The following LAMA2 variants were observed in gnomAD, a reference collection of about 807,000 sequenced individuals.
LAMA2 encodes laminin subunit alpha 2.
Under a neutral mutation model 364.8 loss-of-function variants are expected in LAMA2, and 269 were observed. That is an observed-to-expected ratio of 0.74 (90% confidence interval 0.67 to 0.82). The LOEUF is 0.82. Ranked by LOEUF, LAMA2 falls within the 40% of genes least tolerant of loss-of-function variation. The probability of loss-of-function intolerance (pLI) is 0.00; values close to 1 mark genes in which losing one functional copy is unlikely to be tolerated. For synonymous variants in LAMA2, 1,379 were observed against 1,370.6 expected (o/e 1.01, Z -0.14); for missense variants, 3,807 against 3,873.2 (o/e 0.98, Z 0.45).
intron 1 of LAMA2, chr6:128,905,261 T>C (rs1322914765): frequency 1.3e-5 from 2 of 152,244 alleles, no homozygotes; most frequent in African/African-American, 2.4e-5. Context: ...ACACGTATTT[T>C]GATAATCATT....
chr6:129,098,322 T>G lies in LAMA2; in HGVS notation c.546T>G (p.Ile182Met), dbSNP rs778378665. 1 of 1,614,090 alleles carries G rather than the reference T, an allele frequency of 6.2e-7. No individual in the cohort carries two copies. The highest frequency in any genetic ancestry group is 8.5e-7 in the Non-Finnish European group (1 of 1,179,988). The part of the protein sequence containing the change: ...TDTECLTLYN[I>M]YPRTGPPSYA... Reference sequence around the variant, plus strand: ...CGGAGTGCCTAACGCTTTACAATATTTATCCCCGCACTGGGCCACCGTCAT... The same window carrying G: ...CGGAGTGCCTAACGCTTTACAATATGTATCCCCGCACTGGGCCACCGTCAT... The change falls in exon 4 of 65, where the codon ATT becomes ATG. Residue 182 changes from isoleucine to methionine, a missense_variant. This residue lies in a region of LAMA2 where 394 missense variants were observed against 403.5 expected (regional missense o/e 0.98). Coordinates refer to ENST00000421865, the MANE Select transcript of LAMA2 (RefSeq NM_000426.4).
intron 12 of LAMA2, among the ~76,000 whole-genome samples, chr6:129,196,026 G>T (rs570000203): frequency 6.6e-6 from 1 of 152,248 alleles, no homozygotes; most frequent in Non-Finnish European, 1.5e-5. Context: ...TTACCATTAA[G>T]GTTTGAAATT....
chr6:129,060,460 T>C (rs1788819651), intron 3 of LAMA2, among the ~76,000 whole-genome samples: 1 of 152,246 alleles, frequency 6.6e-6, no homozygotes, highest in Non-Finnish European at 1.5e-5. Context: ...CCTTCTATGC[T>C]TAATCTCTTT....
At position 128,903,353 on chromosome 6, in the gene LAMA2, T is replaced by A. The variant is rs934276327; in HGVS notation, c.112+19996T>A. ...TTTAGTAGAATTACAGATCTTAGTG[T>A]CTTTGTACATTCTGTATTAAAATGC... On this transcript the variant is annotated intron_variant, in intron 1 of 64. Coordinates refer to ENST00000421865, the MANE Select transcript of LAMA2 (RefSeq NM_000426.4). Among the ~76,000 whole-genome samples the A allele has an allele frequency of 3.3e-5, 5 of 152,310 alleles. No individual in the cohort carries two copies. The South Asian group carries it at 1.0e-3, about 32-fold the overall frequency.
At chr6:129,387,981 G>A (rs1189779734) in intron 35 of LAMA2, among the ~76,000 whole-genome samples, 2 of 152,120 alleles carry the variant, frequency 1.3e-5, no homozygotes, top group South Asian at 2.1e-4. Flanking sequence ...TGATGGGCTG[G>A]GCGTGGTGGC....
rs770700904 is a variant in LAMA2 at position 129,512,419 on chromosome 6, A to G, written c.8914A>G (p.Thr2972Ala). The part of the protein sequence containing the change: ...LLVEFEFRTT[T>A]TTGVLLGISS... Reference sequence around the variant, plus strand: ...TGTAGAATTTGAATTCCGCACAACTACAACGACTGGAGTTCTTCTGGGGAT... The same window carrying G: ...TGTAGAATTTGAATTCCGCACAACTGCAACGACTGGAGTTCTTCTGGGGAT... Residue 2972 changes from threonine to alanine, a missense_variant, in exon 63 of 65, where the codon ACA becomes GCA. Thr to Ala is a moderately conservative substitution (Grantham distance 58). Around this residue, in one of 3 missense-constraint regions of LAMA2, gnomAD observed 3,333 missense variants for 3,345.7 expected, o/e 1.00. Transcript: ENST00000421865. 4.3e-6 allele frequency: 7 copies of G among 1,613,278 alleles called. No homozygotes were observed. Among genetic ancestry groups the G allele is most frequent in the Non-Finnish European group, 5.9e-6 (7 of 1,179,254 alleles).
At chr6:128,888,318 A>G (rs1478096023) in intron 1 of LAMA2, among the ~76,000 whole-genome samples, 6 of 152,210 alleles carry the variant, frequency 3.9e-5, no homozygotes, top group Non-Finnish European at 4.4e-5. Context: ...AAATGAATGA[A>G]TGTTTACAGT....
intron 1 of LAMA2, among the ~76,000 whole-genome samples, chr6:129,004,677 A>G (rs528696708): frequency 1.3e-5 from 2 of 152,146 alleles, no homozygotes; most frequent in Non-Finnish European, 2.9e-5. Flanking sequence ...TAGTTTGCAA[A>G]TTAAGAATAG....
chr6:129,357,696 A>G (rs1346593049), intron 32 of LAMA2, among the ~76,000 whole-genome samples: 1 of 151,998 alleles, frequency 6.6e-6, no homozygotes, highest in African/African-American at 2.4e-5. Flanking sequence ...ATCTTGATCT[A>G]CAGAGATATA....
chr6:129,205,011 A>G (rs936579200), intron 12 of LAMA2, among the ~76,000 whole-genome samples: 1 of 152,282 alleles, frequency 6.6e-6, no homozygotes, highest in Middle Eastern at 3.4e-3. Context: ...AATGAATAAC[A>G]CATGCCATTC....
At chr6:129,275,662 TTAAC>T (rs1422101026) in intron 17 of LAMA2, among the ~76,000 whole-genome samples, 6 of 151,782 alleles carry the variant, frequency 4.0e-5, no homozygotes, top group Admixed American at 2.0e-4. Flanking sequence ...ATTTAATTCT[TTAAC>T]TATTAACTAA....
intron 1 of LAMA2, among the ~76,000 whole-genome samples, chr6:128,885,848 G>T (rs142682953): frequency 2.5e-4 from 38 of 152,210 alleles, no homozygotes; most frequent in Admixed American, 9.2e-4. Context: ...CATTGATTCA[G>T]CAAGAATGAT....
At chr6:129,290,094 A>T (rs574645337) in intron 19 of LAMA2, among the ~76,000 whole-genome samples, 1 of 152,236 alleles carries the variant, frequency 6.6e-6, no homozygotes, top group South Asian at 2.1e-4. Flanking sequence ...TTAAAATGAC[A>T]CTTTAGCAAA....
chr6:129,261,601 A>C (rs1459091505), intron 15 of LAMA2, among the ~76,000 whole-genome samples: 2 of 152,146 alleles, frequency 1.3e-5, no homozygotes, highest in Non-Finnish European at 2.9e-5. Flanking sequence ...TAGTTTCTTT[A>C]AAATGGTGCC....
rs552305849 is a variant in LAMA2, at chr6:129,310,378, A to C, written c.3175-2483A>C. Among the ~76,000 whole-genome samples the C allele has an allele frequency of 1.8e-4, 28 of 152,314 alleles. No homozygotes were observed. In the South Asian group the frequency reaches 2.9e-3, roughly 16 times the overall value. ...GATATAAGAATTAAGCTGAGGAGGG[A>C]AAGTGTGAGATACACAGTGAGATGC... On this transcript the variant is annotated intron_variant, in intron 22 of 64. Transcript: ENST00000421865.
At chr6:129,393,401 C>T (rs530288177) in intron 37 of LAMA2, 146 bp downstream of exon 37, 8 of 673,718 alleles carry the variant, frequency 1.2e-5, no homozygotes, top group South Asian at 1.0e-4. Context: ...AGAAACAGAA[C>T]AAGAAATGAC....
At chr6:129,011,928 G>T (rs1784792427) in intron 1 of LAMA2, among the ~76,000 whole-genome samples, 1 of 152,168 alleles carries the variant, frequency 6.6e-6, no homozygotes. Context: ...CATTGTAGAA[G>T]CAAGAAGGGG....
At position 129,427,882 on chromosome 6, in the gene LAMA2, T is replaced by A. The variant is rs76469359; in HGVS notation, c.5968+28T>A. ...CAGTGTGGCCATAGTTTTTATTATA[T>A]TCCAGTTAATCGGGTTGTTACTGAT... On this transcript the variant is annotated intron_variant, in intron 41 of 64. Coordinates refer to ENST00000421865, the MANE Select transcript of LAMA2 (RefSeq NM_000426.4). 1.9e-3 allele frequency: 2,560 copies of A among 1,353,498 alleles called. 40 individuals carry two copies. In the African/African-American group the frequency reaches 0.031, roughly 17 times the overall value. 83.8% of individuals were successfully genotyped at this position (1,353,498 alleles called of 1,614,324 possible).
intron 1 of LAMA2, among the ~76,000 whole-genome samples, chr6:129,029,817 A>G (rs1379827136): frequency 6.6e-6 from 1 of 152,006 alleles, no homozygotes; most frequent in Admixed American, 6.6e-5. Context: ...GAAATTTCTA[A>G]TTTTGAAAAT....
Sources: gnomAD v4.1 joint callset for allele counts (sites outside exome capture counted in the v4.1 genomes callset) on GRCh38, gnomAD v4.1.1 for gene constraint, gnomAD v4.1.1 regional missense constraint, MANE v1.5 for transcripts, NCBI Gene and HGNC (gene_info 2026-07-23, HGNC 2026-07-21) for gene names.